Variants in CDH3 observed in about 807,000 individuals in gnomAD.
CDH3 encodes cadherin-3.
A neutral mutation model predicts 82.0 loss-of-function variants in CDH3; 54 were observed. The ratio of observed to expected loss-of-function variants is 0.66; its 90% CI spans 0.53 to 0.83. CDH3 has a LOEUF of 0.83. CDH3 is among the 40% of genes least tolerant of loss of function. The pLI is 0.00. For synonymous variants in CDH3, 446 were observed against 437.9 expected, an observed-to-expected ratio of 1.02 and a Z score of -0.23; for missense variants, 1,054 against 1,084.6, an observed-to-expected ratio of 0.97 and a Z score of 0.40.
rs141826521 is a variant in CDH3, at chr16:68,681,066, T to C, written c.966T>C (p.Asn322=). 364 of 1,613,916 alleles carry C rather than the reference T, an allele frequency of 2.3e-4. No homozygotes were observed. The highest frequency in any genetic ancestry group is 3.0e-4 in the Non-Finnish European group (351 of 1,180,002). The change falls in exon 8 of 16, where the codon AAT becomes AAC. Residue 322 remains asparagine (N), a synonymous_variant. Coordinates refer to ENST00000264012, the MANE Select transcript of CDH3 (RefSeq NM_001793.6). ...AVAVVEILDA[N]DNAPMFDPQK... is the part of the protein sequence containing the mutation. Reference sequence around the variant, plus strand: ...CAGTAGTGGAGATCCTTGATGCCAATGACAATGCTCCCATGTTTGACCCCC... The same window carrying C: ...CAGTAGTGGAGATCCTTGATGCCAACGACAATGCTCCCATGTTTGACCCCC...
chr16:68,731,395 A>AATAT (rs1555509188), downstream of CDH3, among the ~76,000 whole-genome samples: 4 of 5,242 alleles, frequency 7.6e-4, 1 homozygote, highest in African/African-American at 3.9e-3. Context: ...AAAAAAAAAA[A>AATAT]ATATATATAT....
downstream of CDH3, among the ~76,000 whole-genome samples, chr16:68,728,397 C>T (rs1962249019): frequency 6.6e-6 from 1 of 152,076 alleles, no homozygotes; most frequent in African/African-American, 2.4e-5. Flanking sequence ...GATCTCCTGA[C>T]CTCGTCATCT....
At chr16:68,651,197 C>T (rs1445995607) in intron 2 of CDH3, 2 of 512,062 alleles carry the variant, frequency 3.9e-6, no homozygotes, top group Non-Finnish European at 7.9e-6. Context: ...TGGTTAGCAC[C>T]CTGCAGGTAG....
At chr16:68,649,615 C>T (rs571238550) in intron 2 of CDH3, among the ~76,000 whole-genome samples, 18 of 152,146 alleles carry the variant, frequency 1.2e-4, no homozygotes, top group Non-Finnish European at 2.4e-4. Context: ...CATTATCTCA[C>T]GGTGCAGGGC....
At chr16:68,725,995 G>T (rs940157652) in intron 2 of CDH3, among the ~76,000 whole-genome samples, 1 of 152,070 alleles carries the variant, frequency 6.6e-6, no homozygotes, top group Non-Finnish European at 1.5e-5. Flanking sequence ...GCAGACGGAG[G>T]TTGCAGTGAG....
intron 2 of CDH3, among the ~76,000 whole-genome samples, chr16:68,649,471 C>G (rs1008713069): frequency 6.6e-5 from 10 of 152,250 alleles, no homozygotes; most frequent in African/African-American, 1.9e-4. Flanking sequence ...ATAGATCAGG[C>G]ACTGTTCCAC....
intron 2 of CDH3, among the ~76,000 whole-genome samples, chr16:68,650,516 G>T (rs560287586): frequency 6.6e-6 from 1 of 152,308 alleles, no homozygotes; most frequent in East Asian, 1.9e-4. Flanking sequence ...GGTCAGGCTG[G>T]TGTCGAACTC....
downstream of CDH3, among the ~76,000 whole-genome samples, chr16:68,729,318 T>C (rs1330205612): frequency 6.6e-6 from 1 of 152,106 alleles, no homozygotes; most frequent in Non-Finnish European, 1.5e-5. Flanking sequence ...AAAATATATA[T>C]ATGCCGGACA....
intron 2 of CDH3, among the ~76,000 whole-genome samples, chr16:68,724,374 T>C (rs1284175758): frequency 2.0e-5 from 3 of 151,984 alleles, no homozygotes; most frequent in African/African-American, 7.3e-5. Flanking sequence ...ATCCCACCAG[T>C]TTGGGAGGCC....
In CDH3 at chr16:68,680,883, C is replaced by A. The variant is rs1961202822; in HGVS notation, c.868-85C>A. 4.8e-6 allele frequency: 7 copies of A among 1,470,936 alleles called. No homozygotes were observed. The Admixed American group carries it at 6.7e-5, about 14-fold the overall frequency. The allele number at this position is 1,470,936 out of a possible 1,614,324, so 91.1% of individuals were successfully genotyped here. A position where few individuals can be genotyped will look rare whatever the true frequency, so the allele number is the denominator to read the frequency against. On this transcript the variant is annotated intron_variant, in intron 7 of 15. Transcript: ENST00000264012. ...AGAGATCCTCCTCTCCATCCACACA[C>A]CCATGAGCCAGTGCTTCCTGGAGGT...
Position 68,687,812 on chromosome 16 carries a change from A to T in CDH3, c.1795+76A>T, listed in dbSNP as rs1961459208. ...CATCTGCCCCACACCAGGATTCTGC[A>T]CACGTTCCTATCCTAGCATCTTGTG... On this transcript the variant is annotated intron_variant, in intron 12 of 15. Transcript: ENST00000264012. 3 of 997,110 alleles carry T rather than the reference A, an allele frequency of 3.0e-6. No individual in the cohort carries two copies. In the East Asian group the frequency reaches 7.5e-5, roughly 25 times the overall value. The allele number at this position is 997,110 out of a possible 1,614,324, so 61.8% of individuals were successfully genotyped here. A position where few individuals can be genotyped will look rare whatever the true frequency, so the allele number is the denominator to read the frequency against.
chr16:68,673,426 G>A (rs531349166), intron 2 of CDH3, among the ~76,000 whole-genome samples: 1 of 151,356 alleles, frequency 6.6e-6, no homozygotes, highest in East Asian at 1.9e-4. Context: ...TAGGCATTAG[G>A]TAGTAGTTCC....
chr16:68,681,864 A>AT (rs1961239135), intron 8 of CDH3, among the ~76,000 whole-genome samples: 1 of 152,014 alleles, frequency 6.6e-6, no homozygotes, highest in Non-Finnish European at 1.5e-5. Context: ...AAATAAATAA[A>AT]TTTTTTGTTC....
intron 13 of CDH3, among the ~76,000 whole-genome samples, chr16:68,694,790 C>T (rs1961668723): frequency 6.6e-6 from 1 of 152,050 alleles, no homozygotes; most frequent in Non-Finnish European, 1.5e-5. Context: ...GGTTCCCATC[C>T]CGACATCCCG....
chr16:68,645,365 C>T lies in CDH3; in HGVS notation c.-15C>T, dbSNP rs1331615019. 4 of 1,612,602 alleles carry T rather than the reference C, an allele frequency of 2.5e-6. No individual in the cohort carries two copies. Among genetic ancestry groups the T allele is most frequent in the African/African-American group, 1.3e-5 (1 of 74,924 alleles). ...CCGCCGTCGCGGCAGCTGCTTCACC[C>T]CTCTCTCTGCAGCCATGGGGCTCCC... On this transcript the variant is annotated 5_prime_UTR_variant, in exon 1 of 16. Transcript: ENST00000264012.
downstream of CDH3, among the ~76,000 whole-genome samples, chr16:68,731,385 A>ATATATATATATATAT (rs1432387943): frequency 3.2e-4 from 3 of 9,342 alleles, no homozygotes; most frequent in Non-Finnish European, 7.1e-4. Context: ...AAAAAAAAAA[A>ATATATATATATATAT]AAAAAAAAAA....
At chr16:68,654,902 G>T (rs1258272832) in intron 2 of CDH3, among the ~76,000 whole-genome samples, 1 of 151,754 alleles carries the variant, frequency 6.6e-6, no homozygotes, top group East Asian at 1.9e-4. Context: ...CTGGCGTGGT[G>T]GTGTGCGCCT....
chr16:68,716,951 T>G (rs574548909), intron 1 of CDH3, among the ~76,000 whole-genome samples: 21 of 151,488 alleles, frequency 1.4e-4, no homozygotes, highest in African/African-American at 4.6e-4. Flanking sequence ...CAGGCTACTC[T>G]CAAATTCCTG....
intron 2 of CDH3, among the ~76,000 whole-genome samples, chr16:68,670,899 C>T (rs937394778): frequency 3.5e-4 from 53 of 151,972 alleles, no homozygotes; most frequent in Admixed American, 1.6e-3. Flanking sequence ...ATGGTGAAAC[C>T]CTGTCTCTAC....
Sources: allele counts gnomAD v4.1 joint callset (sites outside exome capture counted in the v4.1 genomes callset), GRCh38; gene constraint gnomAD v4.1.1; transcripts MANE v1.5; gene names NCBI Gene and HGNC (gene_info 2026-07-23, HGNC 2026-07-21).